The following CD200R1 variants were observed in gnomAD, a reference collection of about 807,000 sequenced individuals.
CD200R1 encodes cell surface glycoprotein CD200 receptor 1.
Under a neutral mutation model 38.1 loss-of-function variants are expected in CD200R1, and 30 were observed. The ratio of observed to expected loss-of-function variants is 0.79; its 90% CI spans 0.59 to 1.07. The LOEUF (loss-of-function observed/expected upper bound fraction) is 1.07. Ranked by LOEUF, CD200R1 falls within the 50% of genes least tolerant of loss-of-function variation. CD200R1 has a pLI of 0.00. For synonymous variants in CD200R1, 128 were observed against 152.1 expected, an observed-to-expected ratio of 0.84 and a Z score of 1.16; for missense variants, 372 against 415.4, an observed-to-expected ratio of 0.90 and a Z score of 0.91.
chr3:112,972,019 A>G (rs930855446), intron 1 of CD200R1, among the ~76,000 whole-genome samples: 11 of 152,318 alleles, frequency 7.2e-5, no homozygotes, highest in Admixed American at 2.6e-4. Context: ...CTGATTTTAA[A>G]TGTTCACCAA....
At chr3:112,928,231 G>C (rs576186950) in intron 5 of CD200R1, among the ~76,000 whole-genome samples, 15 of 152,242 alleles carry the variant, frequency 9.9e-5, no homozygotes, top group African/African-American at 3.6e-4. Context: ...GAAAGACAGG[G>C]GTAGAGCTAA....
At chr3:112,964,095 G>A (rs1933092070) in intron 1 of CD200R1, among the ~76,000 whole-genome samples, 1 of 152,190 alleles carries the variant, frequency 6.6e-6, no homozygotes, top group African/African-American at 2.4e-5. Flanking sequence ...GGGAACCTCT[G>A]CCTAGATTTC....
At chr3:112,965,232 CAAG>C (rs1933126540) in intron 1 of CD200R1, among the ~76,000 whole-genome samples, 1 of 152,080 alleles carries the variant, frequency 6.6e-6, no homozygotes, top group South Asian at 2.1e-4. Context: ...GATTTGGTAA[CAAG>C]AAGATCATCA....
In CD200R1 at chr3:112,971,327, T is replaced by C. The variant is rs546705589; in HGVS notation, c.67+3464A>G. Among the ~76,000 whole-genome samples the C allele has an allele frequency of 7.9e-5, 12 of 152,324 alleles. No individual in the cohort carries two copies. In the South Asian group the frequency reaches 2.3e-3, roughly 29 times the overall value. On this transcript the variant is annotated intron_variant, in intron 1 of 7. Transcript: ENST00000308611. ...TACATGTTCAGTACTAATGAAATCA[T>C]CTATTTTTTCCCTTTATATTTTCAA...
At chr3:112,928,524 T>G (rs1203421996) in intron 5 of CD200R1, among the ~76,000 whole-genome samples, 1 of 152,180 alleles carries the variant, frequency 6.6e-6, no homozygotes, top group Non-Finnish European at 1.5e-5. Context: ...ATACTTTATC[T>G]TTCAATAAGC....
chr3:112,947,787 A>G, intron 2 of CD200R1, 69 bp downstream of exon 2: 1 of 1,000,592 alleles, frequency 1.0e-6, no homozygotes, highest in Non-Finnish European at 1.6e-6. Context: ...TTCAAGATCC[A>G]AAAATGTAAA....
chr3:112,934,931 A>G lies in CD200R1; in HGVS notation c.137-3760T>C, dbSNP rs140572355. Among the ~76,000 whole-genome samples, 4 of 152,234 alleles carry G rather than the reference A, an allele frequency of 2.6e-5. No individual in the cohort carries two copies. The East Asian group carries it at 5.8e-4, about 22-fold the overall frequency. On this transcript the variant is annotated intron_variant, in intron 2 of 7. Transcript: ENST00000308611. ...AAAAAAGACATGCAAACAGAATCCA[A>G]ATACAAGCAGGAGTAGCTATACTTA...
intron 1 of CD200R1, among the ~76,000 whole-genome samples, chr3:112,952,625 A>G (rs1223694007): frequency 6.6e-6 from 1 of 151,262 alleles, no homozygotes. Context: ...ATCACACACC[A>G]GGGCCTGTTG....
chr3:112,947,429 A>G (rs909372991), intron 2 of CD200R1, among the ~76,000 whole-genome samples: 6 of 152,166 alleles, frequency 3.9e-5, no homozygotes, highest in African/African-American at 1.2e-4. Context: ...CAATTGTGCT[A>G]CGATCCTAAA....
chr3:112,947,596 G>T (rs1940892480), intron 2 of CD200R1, among the ~76,000 whole-genome samples: 1 of 152,144 alleles, frequency 6.6e-6, no homozygotes, highest in Non-Finnish European at 1.5e-5. Flanking sequence ...AGTGCTCTGG[G>T]ATAATAATCT....
At chr3:112,934,222 T>A (rs1940520890) in intron 2 of CD200R1, among the ~76,000 whole-genome samples, 1 of 151,822 alleles carries the variant, frequency 6.6e-6, no homozygotes, top group Non-Finnish European at 1.5e-5. Flanking sequence ...GGAAGAATGA[T>A]AAAAACACGC....
intron 2 of CD200R1, among the ~76,000 whole-genome samples, chr3:112,941,222 A>AGTTCTATT (rs1448799854): frequency 3.3e-5 from 5 of 151,782 alleles, no homozygotes; most frequent in African/African-American, 1.2e-4. Context: ...AGGATGAGCA[A>AGTTCTATT]GTTCTATTGT....
At chr3:112,963,744 G>T (rs993835002) in intron 1 of CD200R1, among the ~76,000 whole-genome samples, 2 of 152,152 alleles carry the variant, frequency 1.3e-5, no homozygotes, top group Non-Finnish European at 2.9e-5. Context: ...AGAAATTCAA[G>T]CCAGCTGCAG....
Position 112,929,032 on chromosome 3 carries a change from T to G in CD200R1, c.553A>C (p.Asn185His). Residue 185 changes from asparagine (N) to histidine (H), a missense_variant, in exon 5 of 8, where the codon AAT (asparagine) becomes CAT (histidine). Transcript: ENST00000308611. Reference sequence around the variant, plus strand: ...ACTGCCTTGCATACTGCAGTTCTATTCCTGTTTTGAAACAGGGTCACTTCA... The same window carrying G: ...ACTGCCTTGCATACTGCAGTTCTATGCCTGTTTTGAAACAGGGTCACTTCA... ...TPEVTLFQNRNRTAVCKAVAG... is the reference protein window; with the variant it reads ...TPEVTLFQNRHRTAVCKAVAG... The G allele has an allele frequency of 1.2e-6, 2 of 1,613,938 alleles. No individual in the cohort carries two copies. Among genetic ancestry groups the G allele is most frequent in the Admixed American group, 1.7e-5 (1 of 59,982 alleles).
chr3:112,962,588 C>A (rs1933050726), intron 1 of CD200R1, among the ~76,000 whole-genome samples: 1 of 152,170 alleles, frequency 6.6e-6, no homozygotes, highest in African/African-American at 2.4e-5. Context: ...ACTTTACCTG[C>A]ATCATTGGGC....
intron 5 of CD200R1, among the ~76,000 whole-genome samples, chr3:112,928,477 A>G (rs1184795604): frequency 6.6e-6 from 1 of 152,232 alleles, no homozygotes; most frequent in African/African-American, 2.4e-5. Context: ...GAGTAAATGT[A>G]TCCTTCTAAT....
intron 1 of CD200R1, among the ~76,000 whole-genome samples, chr3:112,966,278 T>C (rs1933159149): frequency 6.6e-6 from 1 of 152,164 alleles, no homozygotes; most frequent in Non-Finnish European, 1.5e-5. Flanking sequence ...AAAGTCTAGA[T>C]CCCTATACAC....
At chr3:112,960,313 T>G (rs1336140175) in intron 1 of CD200R1, among the ~76,000 whole-genome samples, 1 of 152,100 alleles carries the variant, frequency 6.6e-6, no homozygotes, top group African/African-American at 2.4e-5. Context: ...AACTCTCTCC[T>G]TCACATGTCT....
At chr3:112,972,646 T>G (rs1559704623) in intron 1 of CD200R1, among the ~76,000 whole-genome samples, 1 of 152,176 alleles carries the variant, frequency 6.6e-6, no homozygotes, top group East Asian at 1.9e-4. Context: ...CAATTTAGGT[T>G]GTTTTTATTT....
Sources: allele counts gnomAD v4.1 joint callset (sites outside exome capture counted in the v4.1 genomes callset), GRCh38; gene constraint gnomAD v4.1.1; transcripts MANE v1.5; gene names NCBI Gene and HGNC (gene_info 2026-07-23, HGNC 2026-07-21).